The following SEPTIN2 variants were observed in gnomAD, a reference collection of about 807,000 sequenced individuals.
SEPTIN2 encodes septin-2.
Under a neutral mutation model 46.5 loss-of-function variants are expected in SEPTIN2, and 34 were observed. That is an observed-to-expected ratio of 0.73 (90% CI 0.56 to 0.97). The LOEUF is 0.97. Ranked by LOEUF, SEPTIN2 falls within the 50% of genes least tolerant of loss-of-function variation. The pLI is 0.00. For missense variants in SEPTIN2, 347 were observed against 448.4 expected (o/e 0.77, Z 2.04); for synonymous variants, 175 against 153.4 (o/e 1.14, Z -1.04).
chr2:241,323,074 G>C (rs1025132490), intron 1 of SEPTIN2, among the ~76,000 whole-genome samples: 1 of 151,762 alleles, frequency 6.6e-6, no homozygotes, highest in Non-Finnish European at 1.5e-5. Context: ...TTGCTATGTT[G>C]CCCAGATTGG....
At chr2:241,315,678 C>T (rs890354238), upstream of SEPTIN2, 1 of 151,782 alleles carries the variant, frequency 6.6e-6, no homozygotes, top group South Asian at 2.1e-4. Flanking sequence ...CGCTTGACCT[C>T]CCCCCCCACC....
At chr2:241,315,876 C>A (rs1158266736), upstream of SEPTIN2, 2 of 141,716 alleles carry the variant, frequency 1.4e-5, no homozygotes, top group Non-Finnish European at 1.5e-5. Flanking sequence ...AATCCGCCTG[C>A]GCGCTGGGCG....
chr2:241,336,160 G>A (rs1437190670), intron 5 of SEPTIN2, 62 bp downstream of exon 5: 2 of 1,524,234 alleles, frequency 1.3e-6, no homozygotes, highest in Non-Finnish European at 1.8e-6. Context: ...TAAATTTATA[G>A]ATAGTGTTAA....
At chr2:241,343,137 A>G in intron 8 of SEPTIN2, 44 bp downstream of exon 8, 1 of 1,076,580 alleles carries the variant, frequency 9.3e-7, no homozygotes, top group Non-Finnish European at 1.4e-6. Flanking sequence ...ACTCCTGTTT[A>G]CTGTTGTCCA....
intron 5 of SEPTIN2, chr2:241,337,123 G>T: frequency 2.6e-6 from 1 of 381,436 alleles, no homozygotes. Context: ...TGGCAGCCCT[G>T]TCTACACTGG....
At chr2:241,335,089 A>G (rs753349759) in intron 3 of SEPTIN2, 37 bp from the exon 4 acceptor site, 1 of 1,430,354 alleles carries the variant, frequency 7.0e-7, no homozygotes. Flanking sequence ...GTGTCATATG[A>G]ATAAGGTCAT....
intron 7 of SEPTIN2, among the ~76,000 whole-genome samples, chr2:241,341,407 C>T (rs905742468): frequency 3.9e-5 from 6 of 152,146 alleles, no homozygotes; most frequent in African/African-American, 1.4e-4. Context: ...TAACTGTTTC[C>T]GAACTCTTCT....
At chr2:241,316,197 C>T (rs955743619) in intron 1 of SEPTIN2, 4 of 307,160 alleles carry the variant, frequency 1.3e-5, no homozygotes, top group Non-Finnish European at 2.4e-5. Flanking sequence ...GCGACAGTGG[C>T]TCCGACACGG....
intron 3 of SEPTIN2, among the ~76,000 whole-genome samples, chr2:241,329,287 G>C (rs1269871124): frequency 6.6e-6 from 1 of 151,842 alleles, no homozygotes; most frequent in African/African-American, 2.4e-5. Context: ...ACCACACCTG[G>C]CTAATTTTGT....
intron 4 of SEPTIN2, chr2:241,335,519 C>A: frequency 1.5e-6 from 1 of 688,020 alleles, no homozygotes; most frequent in Non-Finnish European, 2.5e-6. Flanking sequence ...ATCAAAAATG[C>A]TGTGTAACTA....
chr2:241,318,705 T>TC (rs2076727673), intron 1 of SEPTIN2, among the ~76,000 whole-genome samples: 1 of 149,318 alleles, frequency 6.7e-6, no homozygotes, highest in East Asian at 1.9e-4. Context: ...GTATTTTCTT[T>TC]TTTTTTTTTT....
At chr2:241,325,844 G>T in intron 2 of SEPTIN2, 149 bp from the exon 3 acceptor site, 1 of 610,374 alleles carries the variant, frequency 1.6e-6, no homozygotes, top group Non-Finnish European at 2.6e-6. Context: ...CTGGTTTTCT[G>T]ATAGAAGTAT....
chr2:241,342,430 C>T (rs2081372782), intron 7 of SEPTIN2, among the ~76,000 whole-genome samples: 1 of 151,010 alleles, frequency 6.6e-6, no homozygotes, highest in Middle Eastern at 3.2e-3. Flanking sequence ...CTTCCTGCTG[C>T]TTTGTACATT....
chr2:241,338,802 C>CATATTATATTATTTATATATAATAT (rs1179978477), intron 7 of SEPTIN2, among the ~76,000 whole-genome samples: 2 of 81,260 alleles, frequency 2.5e-5, no homozygotes, highest in African/African-American at 5.3e-5. Flanking sequence ...ATATATAATA[C>CATATTATATTATTTATATATAATAT]ATATTATATT....
At chr2:241,327,008 A>G (rs1232562837) in intron 3 of SEPTIN2, among the ~76,000 whole-genome samples, 5 of 137,088 alleles carry the variant, frequency 3.6e-5, no homozygotes, top group African/African-American at 1.4e-4. Flanking sequence ...AGATCATGCC[A>G]CTGCACTCAA....
At chr2:241,336,361 C>G in intron 5 of SEPTIN2, 1 of 422,514 alleles carries the variant, frequency 2.4e-6, no homozygotes, top group African/African-American at 2.0e-5. Context: ...TGGATTTGAG[C>G]CGTGGTTGGT....
At chr2:241,342,251 TCTTC>T (rs2081350983) in intron 7 of SEPTIN2, among the ~76,000 whole-genome samples, 2 of 152,082 alleles carry the variant, frequency 1.3e-5, no homozygotes, top group South Asian at 4.1e-4. Context: ...TTTCTTTCTT[TCTTC>T]CTTTTTTTCC....
At chr2:241,342,922 A>G (rs920926016) in intron 7 of SEPTIN2, 70 bp from the exon 8 acceptor site, 2 of 734,696 alleles carry the variant, frequency 2.7e-6, no homozygotes, top group South Asian at 1.7e-5. Flanking sequence ...TTCTTACAAG[A>G]TGAGCTAGAA....
intron 3 of SEPTIN2, among the ~76,000 whole-genome samples, chr2:241,329,933 A>G (rs2149969633): frequency 6.6e-6 from 1 of 152,374 alleles, no homozygotes; most frequent in Middle Eastern, 3.4e-3. Flanking sequence ...TTTAGGCTGA[A>G]TTGTGCGAGC....
Sources: gnomAD v4.1 joint callset for allele counts (sites outside exome capture counted in the v4.1 genomes callset) on GRCh38, gnomAD v4.1.1 for gene constraint, MANE v1.5 for transcripts, NCBI Gene and HGNC (gene_info 2026-07-23, HGNC 2026-07-21) for gene names.